Variants in SLC5A12 observed in about 807,000 individuals in gnomAD.
The protein encoded by SLC5A12 is sodium-coupled monocarboxylate transporter 2.
SLC5A12 carries 46 observed loss-of-function variants against 72.7 expected under a neutral mutation model. The observed-to-expected ratio is 0.63, with a 90% CI of 0.50 to 0.81. The LOEUF (loss-of-function observed/expected upper bound fraction) is 0.81. SLC5A12 is among the 30% of genes least tolerant of loss of function. SLC5A12 has a pLI of 0.00. For missense variants in SLC5A12, 683 were observed against 740.7 expected, an observed-to-expected ratio of 0.92 and a Z score of 0.90; for synonymous variants, 275 against 264.4, an observed-to-expected ratio of 1.04 and a Z score of -0.39.
chr11:26,712,785 A>G, intron 1 of SLC5A12, 79 bp from the exon 2 acceptor site: 1 of 1,001,332 alleles, frequency 1.0e-6, no homozygotes, highest in South Asian at 1.6e-5. Context: ...ATCTTGGTAT[A>G]TCCTCTGTTG....
At chr11:26,709,501 T>A in intron 3 of SLC5A12, 122 bp from the exon 4 acceptor site, 1 of 698,430 alleles carries the variant, frequency 1.4e-6, no homozygotes, top group African/African-American at 1.8e-5. Flanking sequence ...TAAAATCAAA[T>A]TAGAGTTTTC....
At chr11:26,683,455 A>G (rs1029236360) in intron 11 of SLC5A12, among the ~76,000 whole-genome samples, 1 of 152,206 alleles carries the variant, frequency 6.6e-6, no homozygotes, top group Non-Finnish European at 1.5e-5. Context: ...TGAATTCAAT[A>G]TCTATTTTAC....
intron 14 of SLC5A12, 121 bp from the exon 15 acceptor site, chr11:26,671,372 A>C: frequency 4.1e-5 from 29 of 706,030 alleles, no homozygotes; most frequent in East Asian, 8.9e-5. Flanking sequence ...AAGAAGCATA[A>C]ACAACTCTGA....
intron 14 of SLC5A12, 58 bp from the exon 15 acceptor site, chr11:26,671,309 C>T (rs1372540174): frequency 6.8e-7 from 1 of 1,460,914 alleles, no homozygotes; most frequent in East Asian, 2.5e-5. Flanking sequence ...TCCAAATTAA[C>T]CTGAGAGAAT....
At chr11:26,682,238 A>C (rs1003939624) in intron 11 of SLC5A12, among the ~76,000 whole-genome samples, 1 of 152,064 alleles carries the variant, frequency 6.6e-6, no homozygotes, top group African/African-American at 2.4e-5. Flanking sequence ...AGAAAATATT[A>C]TTCTTCTTTT....
intron 7 of SLC5A12, 82 bp from the exon 8 acceptor site, chr11:26,697,334 A>T: frequency 8.3e-7 from 1 of 1,211,968 alleles, no homozygotes; most frequent in Non-Finnish European, 1.2e-6. Context: ...AAAAAATAGG[A>T]TTAGTGGTCT....
intron 8 of SLC5A12, 29 bp downstream of exon 8, chr11:26,697,135 C>A (rs1411671782): frequency 6.4e-7 from 1 of 1,567,872 alleles, no homozygotes; most frequent in Admixed American, 1.7e-5. Flanking sequence ...TTTCCATCAT[C>A]ATCATCAGAT....
In SLC5A12 at chr11:26,721,682, A is replaced by G; in HGVS notation, c.33T>C (p.Tyr11=). ...TGAAAAAGAGGGCTGCAAATACAAC[A>G]TAATCCCAAACTGCAAAGTTCTTCA... The part of the protein sequence containing the change: MEVKNFAVWD[Y]VVFAALFFIS... The change falls in exon 1 of 15, where the codon TAT becomes TAC. Residue 11 remains tyrosine, a synonymous_variant. Transcript: ENST00000396005. 6.2e-7 allele frequency: 1 copy of G among 1,614,022 alleles called. No individual in the cohort carries two copies. The highest frequency in any genetic ancestry group is 8.5e-7 in the Non-Finnish European group (1 of 1,179,982).
chr11:26,685,793 T>C lies in SLC5A12; in HGVS notation c.1221+684A>G, dbSNP rs553918796. ...TAGTTTTTCCACTAACTGTGAGAACTTGAACAGGGTATTTTCACTTTTTTT... is the reference window on the plus strand; with the variant it reads ...TAGTTTTTCCACTAACTGTGAGAACCTGAACAGGGTATTTTCACTTTTTTT... On this transcript the variant is annotated intron_variant, in intron 10 of 14. Transcript: ENST00000396005. Among the ~76,000 whole-genome samples the C allele has an allele frequency of 2.2e-4, 34 of 152,256 alleles. 2 individuals carry two copies. The South Asian group carries it at 6.8e-3, about 31-fold the overall frequency.
chr11:26,687,904 C>A (rs940256863), intron 9 of SLC5A12, among the ~76,000 whole-genome samples: 8 of 152,110 alleles, frequency 5.3e-5, no homozygotes, highest in African/African-American at 1.9e-4. Flanking sequence ...CTACAGAAAA[C>A]AATGTCTGCC....
At chr11:26,671,419 A>T (rs1469008286) in intron 14 of SLC5A12, among the ~76,000 whole-genome samples, 168 bp from the exon 15 acceptor site, 1 of 152,122 alleles carries the variant, frequency 6.6e-6, no homozygotes, top group Admixed American at 6.6e-5. Flanking sequence ...TTGATAATCC[A>T]CGTAAGGTAC....
At chr11:26,694,571 G>A (rs189920560) in intron 8 of SLC5A12, among the ~76,000 whole-genome samples, 107 of 152,230 alleles carry the variant, frequency 7.0e-4, no homozygotes, top group African/African-American at 2.5e-3. Context: ...GTCACTGTGT[G>A]CTATTGATGC....
rs199763151 is a variant in SLC5A12, at chr11:26,714,112, A to AG, written c.340-1407_340-1406insC. 2.6e-5 allele frequency among the ~76,000 whole-genome samples: 4 copies of AG among 151,814 alleles called. No individual in the cohort carries two copies. The East Asian group carries it at 7.8e-4, about 29-fold the overall frequency. ...AGTAATCCCTTTCAAAACGAACAAA[A>AG]AAAAACATGTAAAGTAACATTTACA... On this transcript the variant is annotated intron_variant, in intron 1 of 14. Transcript: ENST00000396005.
intron 13 of SLC5A12, among the ~76,000 whole-genome samples, chr11:26,673,803 T>C (rs1002599077): frequency 7.2e-5 from 11 of 152,196 alleles, no homozygotes; most frequent in African/African-American, 2.7e-4. Flanking sequence ...AAAATGCTAC[T>C]AGTAACCTTC....
chr11:26,703,273 G>A (rs993624475), intron 6 of SLC5A12, among the ~76,000 whole-genome samples: 3 of 151,998 alleles, frequency 2.0e-5, no homozygotes, highest in African/African-American at 7.2e-5. Context: ...CTCAATAAAT[G>A]GAGGCAGCAA....
intron 1 of SLC5A12, among the ~76,000 whole-genome samples, chr11:26,718,680 A>G (rs4922768): frequency 0.99 from 150,608 of 151,736 alleles, 74,761 homozygotes; most frequent in Middle Eastern, 1. Flanking sequence ...GTAGAGATGG[A>G]GTTTCTCCAT....
intron 9 of SLC5A12, among the ~76,000 whole-genome samples, chr11:26,686,837 T>G (rs796982260): frequency 1.2e-4 from 19 of 152,290 alleles, no homozygotes; most frequent in African/African-American, 4.3e-4. Context: ...GGAAACAACA[T>G]GAAAATGTGG....
chr11:26,703,230 C>A (rs1310053712), intron 6 of SLC5A12, among the ~76,000 whole-genome samples: 1 of 152,058 alleles, frequency 6.6e-6, no homozygotes, highest in Non-Finnish European at 1.5e-5. Context: ...CTTTGCATTG[C>A]CACCCACAGT....
intron 13 of SLC5A12, among the ~76,000 whole-genome samples, chr11:26,675,205 T>C (rs1318000918): frequency 6.6e-6 from 1 of 152,060 alleles, no homozygotes; most frequent in South Asian, 2.1e-4. Flanking sequence ...TGTAGATCTA[T>C]TGTCTCTTAA....
Sources: allele counts gnomAD v4.1 joint callset (sites outside exome capture counted in the v4.1 genomes callset), GRCh38; gene constraint gnomAD v4.1.1; transcripts MANE v1.5; gene names NCBI Gene and HGNC (gene_info 2026-07-23, HGNC 2026-07-21).